RASGEF1B: variants seen among roughly 807,000 people sequenced by gnomAD.
RASGEF1B encodes ras-GEF domain-containing family member 1B.
Under a neutral mutation model 65.7 loss-of-function variants are expected in RASGEF1B, and 30 were observed. That is an observed-to-expected ratio of 0.46 (90% CI 0.34 to 0.62). The LOEUF (loss-of-function observed/expected upper bound fraction) is 0.62. Ranked by LOEUF, RASGEF1B falls within the 20% of genes least tolerant of loss-of-function variation. RASGEF1B has a pLI of 0.01. For synonymous variants in RASGEF1B, 175 were observed against 194.8 expected (o/e 0.90, Z 0.85); for missense variants, 495 against 580.1 (o/e 0.85, Z 1.51).
chr4:81,456,492 C>T (rs1469734400), intron 4 of RASGEF1B, 159 bp downstream of exon 4: 3 of 782,152 alleles, frequency 3.8e-6, no homozygotes, highest in Non-Finnish European at 6.8e-6. Flanking sequence ...TAATCATTCT[C>T]ACTTGACATA....
intron 10 of RASGEF1B, among the ~76,000 whole-genome samples, chr4:81,439,526 C>T (rs1396147252): frequency 6.6e-6 from 1 of 152,216 alleles, no homozygotes; most frequent in Non-Finnish European, 1.5e-5. Context: ...TATGACTCCA[C>T]AGCCTCCTCC....
chr4:81,456,317 A>G (rs1403878564), intron 4 of RASGEF1B: 1 of 586,596 alleles, frequency 1.7e-6, no homozygotes, highest in East Asian at 2.8e-5. Flanking sequence ...CATGCCATTT[A>G]TCATCTAACT....
At chr4:81,441,591 T>C (rs1258258791) in intron 9 of RASGEF1B, among the ~76,000 whole-genome samples, 1 of 150,786 alleles carries the variant, frequency 6.6e-6, no homozygotes, top group Non-Finnish European at 1.5e-5. Context: ...ACCCAGGCTG[T>C]AGTGCAGTGG....
At chr4:81,435,664 A>T (rs1721601987) in intron 10 of RASGEF1B, among the ~76,000 whole-genome samples, 2 of 147,542 alleles carry the variant, frequency 1.4e-5, no homozygotes, top group Non-Finnish European at 3.0e-5. Context: ...TTTAGTAGAG[A>T]CAGGGTTTCA....
intron 9 of RASGEF1B, 81 bp downstream of exon 9, chr4:81,442,216 T>C: frequency 3.3e-6 from 3 of 914,940 alleles, no homozygotes; most frequent in Non-Finnish European, 5.5e-6. Flanking sequence ...CGTAGTCTGA[T>C]GGAGAGGCAA....
chr4:81,442,399 G>C, intron 8 of RASGEF1B, 23 bp from the exon 9 acceptor site: 2 of 1,370,198 alleles, frequency 1.5e-6, no homozygotes, highest in Non-Finnish European at 2.1e-6. Flanking sequence ...AATGGAGGGG[G>C]AGAAAAAAGG....
chr4:81,463,231 A>G (rs188777187), intron 1 of RASGEF1B, among the ~76,000 whole-genome samples: 2 of 152,336 alleles, frequency 1.3e-5, no homozygotes, highest in East Asian at 3.9e-4. Flanking sequence ...TTCAACTGTC[A>G]ACAGCAGTAT....
chr4:81,429,097 G>A (rs986257259), intron 13 of RASGEF1B, among the ~76,000 whole-genome samples: 1 of 152,234 alleles, frequency 6.6e-6, no homozygotes, highest in Non-Finnish European at 1.5e-5. Context: ...TTGCCCTCAA[G>A]GGGCTTACAT....
rs1265175412 is a variant in RASGEF1B at position 81,432,324 on chromosome 4, C to T, written c.1372G>A (p.Glu458Lys). ...CTTAAAGACTTCCATCTGTCTTTCT[C>T]TATATGATTTTCAGGTCCTTCACTC... is the stretch of plus-strand genomic sequence containing the variant. ...YESEGPENHI[E>K]KDRWKSLRSS... Residue 458 changes from glutamate to lysine, a missense_variant, in exon 13 of 14, where the codon GAG becomes AAG. By Grantham distance (56) the Glu-to-Lys change is moderately conservative. Transcript: ENST00000264400. The T allele has an allele frequency of 6.2e-6, 10 of 1,609,676 alleles. No individual in the cohort carries two copies. Among genetic ancestry groups the T allele is most frequent in the African/African-American group, 1.3e-5 (1 of 74,834 alleles).
At chr4:81,430,809 T>C (rs1578608355) in intron 13 of RASGEF1B, among the ~76,000 whole-genome samples, 1 of 152,210 alleles carries the variant, frequency 6.6e-6, no homozygotes, top group South Asian at 2.1e-4. Context: ...TTAGTTAATA[T>C]GTCATAAAAT....
intron 9 of RASGEF1B, among the ~76,000 whole-genome samples, chr4:81,441,459 C>T (rs1239127270): frequency 6.6e-6 from 1 of 151,488 alleles, no homozygotes; most frequent in Non-Finnish European, 1.5e-5. Context: ...TTATTGTCTC[C>T]AAAGATAGTA....
intron 10 of RASGEF1B, among the ~76,000 whole-genome samples, chr4:81,436,271 G>A (rs999537042): frequency 6.6e-6 from 1 of 152,088 alleles, no homozygotes; most frequent in Admixed American, 6.5e-5. Context: ...TGTAAACCTA[G>A]CCTGTGTATG....
At chr4:81,429,642 G>A (rs890013406) in intron 13 of RASGEF1B, among the ~76,000 whole-genome samples, 2 of 152,214 alleles carry the variant, frequency 1.3e-5, no homozygotes, top group Non-Finnish European at 2.9e-5. Context: ...GTAGCTGGAC[G>A]TGGTGAGGAA....
At chr4:81,471,535 C>T (rs1027317258) in intron 1 of RASGEF1B, among the ~76,000 whole-genome samples, 2 of 152,170 alleles carry the variant, frequency 1.3e-5, no homozygotes, top group African/African-American at 4.8e-5. Flanking sequence ...CAGGGGCCCT[C>T]CCCCGGTCCC....
intron 13 of RASGEF1B, among the ~76,000 whole-genome samples, chr4:81,429,284 T>C (rs1174592009): frequency 6.6e-6 from 1 of 152,060 alleles, no homozygotes; most frequent in Non-Finnish European, 1.5e-5. Flanking sequence ...AAAGGCAGAG[T>C]GTGTGGCTTG....
chr4:81,429,026 G>T (rs764753717), intron 13 of RASGEF1B, among the ~76,000 whole-genome samples: 5 of 152,254 alleles, frequency 3.3e-5, no homozygotes, highest in Non-Finnish European at 2.9e-5. Flanking sequence ...GGGCTGACGA[G>T]TAATAGAGAG....
intron 4 of RASGEF1B, among the ~76,000 whole-genome samples, chr4:81,449,216 C>T (rs1398946686): frequency 1.3e-5 from 2 of 152,142 alleles, no homozygotes; most frequent in Non-Finnish European, 2.9e-5. Context: ...ATTTCTTTTG[C>T]ATTCATGACT....
intron 4 of RASGEF1B, chr4:81,454,514 T>C (rs1375900163): frequency 6.6e-6 from 1 of 152,176 alleles, no homozygotes; most frequent in African/African-American, 2.4e-5. Context: ...CAGCTTCAGA[T>C]ACATAAACCA....
Position 81,448,249 on chromosome 4 carries a change from C to T in RASGEF1B, c.474G>A (p.Gln158=). ...TYRKNVQQMM[Q]CLIRKLAALS... Reference sequence around the variant, plus strand: ...GCGCAGCAAGCTTGCGGATCAGACACTGCATCATTTGCTGGACATTCTTTC... The same window carrying T: ...GCGCAGCAAGCTTGCGGATCAGACATTGCATCATTTGCTGGACATTCTTTC... Residue 158 remains glutamine (Q), a synonymous_variant, in exon 5 of 14, where the codon CAG becomes CAA. Coordinates refer to ENST00000264400, the MANE Select transcript of RASGEF1B (RefSeq NM_152545.3). 6.2e-7 allele frequency: 1 copy of T among 1,613,118 alleles called. No homozygotes were observed. The highest frequency in any genetic ancestry group is 8.5e-7 in the Non-Finnish European group (1 of 1,180,014).
Sources: gnomAD v4.1 joint callset for allele counts (sites outside exome capture counted in the v4.1 genomes callset) on GRCh38, gnomAD v4.1.1 for gene constraint, MANE v1.5 for transcripts, NCBI Gene and HGNC (gene_info 2026-07-23, HGNC 2026-07-21) for gene names.